CDH4: variants seen among roughly 807,000 people sequenced by gnomAD.
CDH4 encodes the protein cadherin 4, also known as cadherin-4.
A neutral mutation model predicts 86.0 loss-of-function variants in CDH4; 33 were observed. The ratio of observed to expected loss-of-function variants is 0.38; its 90% CI spans 0.29 to 0.51. The LOEUF (loss-of-function observed/expected upper bound fraction) is 0.51, where lower values mean the gene tolerates loss of function less well. CDH4 is among the 20% of genes least tolerant of loss of function. CDH4 has a pLI of 0.86. For missense variants in CDH4, 1,114 were observed against 1,307.4 expected (o/e 0.85, Z 2.28); for synonymous variants, 555 against 549.4 (o/e 1.01, Z -0.14).
At chr20:61,756,036 T>C (rs771398467) in intron 3 of CDH4, among the ~76,000 whole-genome samples, 9 of 152,226 alleles carry the variant, frequency 5.9e-5, no homozygotes, top group Non-Finnish European at 8.8e-5. Flanking sequence ...ACGTTCCCAC[T>C]GCAGGGCAGG....
At chr20:61,406,913 C>G (rs1285904625) in intron 2 of CDH4, among the ~76,000 whole-genome samples, 1 of 150,070 alleles carries the variant, frequency 6.7e-6, no homozygotes, top group African/African-American at 2.5e-5. Context: ...TCTGCTCTGC[C>G]TGGACCACCA....
chr20:61,523,376 G>A (rs1344615968), intron 2 of CDH4, among the ~76,000 whole-genome samples: 2 of 152,248 alleles, frequency 1.3e-5, no homozygotes, highest in Non-Finnish European at 2.9e-5. Flanking sequence ...CACGTGTGAT[G>A]ATTGCGTGGC....
Position 61,480,947 on chromosome 20 carries a change from G to A in CDH4, c.169+226010G>A, listed in dbSNP as rs758396564. 1.3e-5 allele frequency among the ~76,000 whole-genome samples: 2 copies of A among 152,210 alleles called. No homozygotes were observed. The highest frequency in any genetic ancestry group is 4.8e-5 in the African/African-American group (2 of 41,458). ...ACTCGGATGCTACTGTTTATAAAGT[G>A]TGTCCACGTTGATGATTCTGCTTGG... is the stretch of plus-strand genomic sequence containing the variant. On this transcript the variant is annotated intron_variant, in intron 2 of 15. Transcript: ENST00000614565. This position sits in a 1 kb window ranked among gnomAD's most constrained non-coding sequence, Gnocchi z 5.2.
At chr20:61,284,158 A>C (rs1459408344) in intron 2 of CDH4, among the ~76,000 whole-genome samples, 3 of 151,898 alleles carry the variant, frequency 2.0e-5, no homozygotes, top group Non-Finnish European at 4.4e-5. Context: ...ACAAAAAAAA[A>C]AAAAAAACTG....
At position 61,517,827 on chromosome 20, in the gene CDH4, C is replaced by T. The variant is rs184373602; in HGVS notation, c.170-225736C>T. 6.6e-6 allele frequency among the ~76,000 whole-genome samples: 1 copy of T among 152,332 alleles called. No individual in the cohort carries two copies. Among genetic ancestry groups the T allele is most frequent in the Non-Finnish European group, 1.5e-5 (1 of 68,024 alleles). ...GTCAGTCCAGGGTTCATCGTTTTAGCTGAGTTACCTCTTATTTCATTTATT... is the reference window on the plus strand; with the variant it reads ...GTCAGTCCAGGGTTCATCGTTTTAGTTGAGTTACCTCTTATTTCATTTATT... On this transcript the variant is annotated intron_variant, in intron 2 of 15. Coordinates refer to ENST00000614565, the MANE Select transcript of CDH4 (RefSeq NM_001794.5). The surrounding 1 kb of genome is among the most constrained non-coding windows in gnomAD (Gnocchi z 6.6).
chr20:61,374,618 A>G (rs899407859), intron 2 of CDH4, among the ~76,000 whole-genome samples: 3 of 152,328 alleles, frequency 2.0e-5, no homozygotes, highest in Admixed American at 2.0e-4. Context: ...GCACCCCCCA[A>G]CCATCTGAAC....
chr20:61,609,430 G>T (rs986221036), intron 2 of CDH4, among the ~76,000 whole-genome samples: 1 of 151,912 alleles, frequency 6.6e-6, no homozygotes, highest in Admixed American at 6.5e-5. Context: ...ATCTGCAGAA[G>T]GTTGTTTTTT....
At chr20:61,823,767 T>C (rs1981178128) in intron 4 of CDH4, among the ~76,000 whole-genome samples, 1 of 152,232 alleles carries the variant, frequency 6.6e-6, no homozygotes, top group Admixed American at 6.5e-5. Context: ...AGCACAAGAA[T>C]ATATGTGTGT....
chr20:61,311,070 G>A (rs568397318), intron 2 of CDH4, among the ~76,000 whole-genome samples: 4 of 152,156 alleles, frequency 2.6e-5, no homozygotes, highest in Non-Finnish European at 4.4e-5. Context: ...GGTCCTCCTC[G>A]TTTCCATCAG....
chr20:61,404,469 C>T (rs763336042), intron 2 of CDH4, among the ~76,000 whole-genome samples: 18 of 152,104 alleles, frequency 1.2e-4, no homozygotes, highest in Non-Finnish European at 2.4e-4. Flanking sequence ...TGGCATTAAA[C>T]GCACCCAGTG....
At chr20:61,523,365 C>G (rs560905506) in intron 2 of CDH4, among the ~76,000 whole-genome samples, 1 of 152,254 alleles carries the variant, frequency 6.6e-6, no homozygotes, top group East Asian at 1.9e-4. Context: ...CATGCGTTTG[C>G]CACGTGTGAT....
intron 2 of CDH4, among the ~76,000 whole-genome samples, chr20:61,331,799 T>C (rs1290819248): frequency 6.9e-6 from 1 of 144,736 alleles, no homozygotes; most frequent in Non-Finnish European, 1.5e-5. Flanking sequence ...GCAGCAGTCT[T>C]GAGCAGTTCT....
intron 2 of CDH4, among the ~76,000 whole-genome samples, chr20:61,274,566 G>GCACAGTTTGGGAGAGCACCA: frequency 7.2e-6 from 1 of 138,938 alleles, no homozygotes. Flanking sequence ...GGGGAGTACC[G>GCACAGTTTGGGAGAGCACCA]TGCACAGCTT....
chr20:61,415,611 G>A (rs2085142492), intron 2 of CDH4, among the ~76,000 whole-genome samples: 1 of 152,188 alleles, frequency 6.6e-6, no homozygotes, highest in Admixed American at 6.5e-5. Flanking sequence ...ACCCCAAACA[G>A]GTAGAATCAT....
At chr20:61,445,222 G>T (rs2427102) in intron 2 of CDH4, among the ~76,000 whole-genome samples, 79,377 of 151,950 alleles carry the variant, frequency 0.52, 20,937 homozygotes, top group Admixed American at 0.58. Flanking sequence ...TGGAATCAAT[G>T]GAGCTGGGGG....
intron 2 of CDH4, among the ~76,000 whole-genome samples, chr20:61,429,166 G>A (rs1357248297): frequency 6.6e-6 from 1 of 152,100 alleles, no homozygotes; most frequent in Non-Finnish European, 1.5e-5. Flanking sequence ...TGTTCTAAGT[G>A]CTCAGTAAAA....
At chr20:61,419,206 C>T (rs1168127313) in intron 2 of CDH4, among the ~76,000 whole-genome samples, 1 of 152,138 alleles carries the variant, frequency 6.6e-6, no homozygotes, top group Non-Finnish European at 1.5e-5. Flanking sequence ...CCCGAGATCA[C>T]TCGTTCCCCG....
chr20:61,499,285 G>T, intron 2 of CDH4: 2 of 394,380 alleles, frequency 5.1e-6, no homozygotes, highest in Non-Finnish European at 9.6e-6. Context: ...GCACAGCCCC[G>T]GACCTTCATG....
At chr20:61,883,263 CCTG>C (rs1409438345) in intron 7 of CDH4, among the ~76,000 whole-genome samples, 1 of 152,180 alleles carries the variant, frequency 6.6e-6, no homozygotes, top group Non-Finnish European at 1.5e-5. Flanking sequence ...GTCCCTCTCT[CCTG>C]CTGTGTTTTC....
Sources: allele counts gnomAD v4.1 joint callset (sites outside exome capture counted in the v4.1 genomes callset), GRCh38; gene constraint gnomAD v4.1.1; non-coding constraint Gnocchi (gnomAD v3.1); transcripts MANE v1.5; gene names NCBI Gene and HGNC (gene_info 2026-07-23, HGNC 2026-07-21).